Variants in NIM1K observed in about 807,000 individuals in gnomAD.
NIM1K encodes the protein serine/threonine-protein kinase NIM1.
A neutral mutation model predicts 37.1 loss-of-function variants in NIM1K; 35 were observed. The observed-to-expected ratio is 0.94, with a 90% confidence interval of 0.72 to 1.25. NIM1K has a LOEUF of 1.25. Ranked by LOEUF, NIM1K falls within the 50% of genes most tolerant of loss-of-function variation. The pLI is 0.00. For synonymous variants in NIM1K, 234 were observed against 206.6 expected (o/e 1.13, Z -1.14); for missense variants, 564 against 548.0 (o/e 1.03, Z -0.29).
intron 1 of NIM1K, among the ~76,000 whole-genome samples, chr5:43,213,888 T>C (rs1752257653): frequency 6.6e-6 from 1 of 152,076 alleles, no homozygotes; most frequent in Admixed American, 6.5e-5. Context: ...CTCAGCCTCC[T>C]AAAGTGCTGA....
At chr5:43,204,691 A>C (rs1022419306) in intron 1 of NIM1K, among the ~76,000 whole-genome samples, 9 of 139,264 alleles carry the variant, frequency 6.5e-5, no homozygotes, top group Non-Finnish European at 1.4e-4. Context: ...GGCAACAGAA[A>C]GAGGCTCTGT....
chr5:43,263,023 T>C (rs1753059371), intron 2 of NIM1K, among the ~76,000 whole-genome samples: 1 of 152,350 alleles, frequency 6.6e-6, no homozygotes, highest in East Asian at 1.9e-4. Flanking sequence ...CAGTATTTTA[T>C]TGAGGATTTT....
At chr5:43,266,754 C>G (rs533947662) in intron 2 of NIM1K, among the ~76,000 whole-genome samples, 26 of 152,310 alleles carry the variant, frequency 1.7e-4, no homozygotes, top group African/African-American at 6.0e-4. Context: ...TGAACCTCCC[C>G]CCTGACTTGC....
At chr5:43,226,171 A>G (rs1200498469) in intron 1 of NIM1K, among the ~76,000 whole-genome samples, 2 of 152,248 alleles carry the variant, frequency 1.3e-5, no homozygotes, top group Non-Finnish European at 2.9e-5. Context: ...AGGGCCTTGA[A>G]TGCCCTTTTA....
At chr5:43,244,904 T>G (rs564544783) in intron 1 of NIM1K, among the ~76,000 whole-genome samples, 178 bp from the exon 2 acceptor site, 1 of 152,338 alleles carries the variant, frequency 6.6e-6, no homozygotes, top group South Asian at 2.1e-4. Context: ...TTGAGAGGTG[T>G]GTGTATATGC....
intron 2 of NIM1K, among the ~76,000 whole-genome samples, chr5:43,253,709 G>A (rs1165951600): frequency 7.2e-5 from 11 of 151,792 alleles, no homozygotes; most frequent in Non-Finnish European, 8.8e-5. Context: ...ACCCAGCCTG[G>A]AGTACAATGG....
chr5:43,213,495 A>AT lies in NIM1K; in HGVS notation c.-695+21094dup, dbSNP rs1231125814. ...CCGGCATGCACCACCACATCTGGCT[A>AT]TTTTTTTTTTCTTTTTGAGACGGAG... On this transcript the variant is annotated intron_variant, in intron 1 of 3. Coordinates refer to ENST00000326035, the MANE Select transcript of NIM1K (RefSeq NM_153361.4). Among the ~76,000 whole-genome samples the AT allele has an allele frequency of 1.5e-3, 204 of 136,422 alleles. 2 individuals are homozygous for AT. Among genetic ancestry groups the AT allele is most frequent in the African/African-American group, 5.1e-3 (187 of 36,332 alleles). The allele number at this position is 136,422 out of a possible 152,430, so 89.5% of individuals were successfully genotyped here.
chr5:43,244,127 T>C (rs1752743577), intron 1 of NIM1K, among the ~76,000 whole-genome samples: 1 of 152,232 alleles, frequency 6.6e-6, no homozygotes, highest in Non-Finnish European at 1.5e-5. Context: ...GGAAGCCTTA[T>C]TTATACTTAA....
chr5:43,250,462 G>A (rs1752852785), intron 2 of NIM1K, among the ~76,000 whole-genome samples: 1 of 152,078 alleles, frequency 6.6e-6, no homozygotes, highest in South Asian at 2.1e-4. Flanking sequence ...ATTTCTCTCA[G>A]CATACATTCC....
chr5:43,212,266 G>T (rs889664269), intron 1 of NIM1K, among the ~76,000 whole-genome samples: 1 of 151,946 alleles, frequency 6.6e-6, no homozygotes, highest in Admixed American at 6.6e-5. Context: ...TTGGCCAACG[G>T]ATCGCACATC....
chr5:43,278,107 A>T (rs1753380193), intron 3 of NIM1K, among the ~76,000 whole-genome samples: 1 of 144,512 alleles, frequency 6.9e-6, no homozygotes, highest in Admixed American at 7.1e-5. Flanking sequence ...GTGCAGTGGC[A>T]TGATCTTGGC....
chr5:43,207,387 G>A (rs1455249641), intron 1 of NIM1K: 4 of 849,942 alleles, frequency 4.7e-6, no homozygotes, highest in African/African-American at 3.3e-5. Flanking sequence ...AAATATATGC[G>A]AAAAACGTGT....
At chr5:43,235,835 C>G (rs565107017) in intron 1 of NIM1K, among the ~76,000 whole-genome samples, 4 of 151,788 alleles carry the variant, frequency 2.6e-5, no homozygotes, top group African/African-American at 9.7e-5. Context: ...ATGAACTATT[C>G]CCTCCCCATC....
intron 2 of NIM1K, among the ~76,000 whole-genome samples, chr5:43,252,130 A>C (rs1335497109): frequency 1.3e-5 from 2 of 152,192 alleles, no homozygotes; most frequent in Non-Finnish European, 2.9e-5. Flanking sequence ...ACAAAAAAAA[A>C]AGGTGGAATA....
intron 1 of NIM1K, among the ~76,000 whole-genome samples, chr5:43,208,197 G>C (rs2112212842): frequency 6.6e-6 from 1 of 152,080 alleles, no homozygotes; most frequent in Non-Finnish European, 1.5e-5. Flanking sequence ...TCTTGATGGT[G>C]TTTCTTTCCC....
intron 1 of NIM1K, among the ~76,000 whole-genome samples, chr5:43,235,926 T>C (rs1469665662): frequency 1.3e-5 from 2 of 151,888 alleles, no homozygotes; most frequent in African/African-American, 4.8e-5. Context: ...AAATCCAGCC[T>C]GACACTTCAG....
At position 43,245,634 on chromosome 5, in the gene NIM1K, G is replaced by A; in HGVS notation, c.-142G>A. ...GCCTTCCTCTCACTAAAGCCGAGAGGGAGGCTGCTCAGCTCTCAGGAAAAC... is the reference window on the plus strand; with the variant it reads ...GCCTTCCTCTCACTAAAGCCGAGAGAGAGGCTGCTCAGCTCTCAGGAAAAC... On this transcript the variant is annotated 5_prime_UTR_variant, in exon 2 of 4. Coordinates refer to ENST00000326035, the MANE Select transcript of NIM1K (RefSeq NM_153361.4). 1.3e-6 allele frequency: 1 copy of A among 755,140 alleles called. No homozygotes were observed. Among genetic ancestry groups the A allele is most frequent in the African/African-American group, 1.7e-5 (1 of 57,202 alleles). The allele number at this position is 755,140 out of a possible 1,614,324, so 46.8% of individuals were successfully genotyped here. A position where few individuals can be genotyped will look rare whatever the true frequency, so the allele number is the denominator to read the frequency against.
intron 2 of NIM1K, among the ~76,000 whole-genome samples, chr5:43,272,984 A>G (rs1344668397): frequency 6.6e-6 from 1 of 152,116 alleles, no homozygotes; most frequent in Non-Finnish European, 1.5e-5. Context: ...GTCCTGGTTT[A>G]AAGAATGTGT....
chr5:43,275,166 T>C (rs1420758118), intron 2 of NIM1K, among the ~76,000 whole-genome samples: 5 of 152,260 alleles, frequency 3.3e-5, no homozygotes, highest in Non-Finnish European at 5.9e-5. Flanking sequence ...AACATTTTGG[T>C]AAATATGCTA....
Sources: allele counts gnomAD v4.1 joint callset (sites outside exome capture counted in the v4.1 genomes callset), GRCh38; gene constraint gnomAD v4.1.1; transcripts MANE v1.5; gene names NCBI Gene and HGNC (gene_info 2026-07-23, HGNC 2026-07-21).